Variants in PRKCG observed in about 807,000 individuals in gnomAD.
PRKCG encodes the protein protein kinase C gamma.
Under a neutral mutation model 82.0 loss-of-function variants are expected in PRKCG, and 28 were observed. The ratio of observed to expected loss-of-function variants is 0.34; its 90% confidence interval spans 0.25 to 0.47. The LOEUF (loss-of-function observed/expected upper bound fraction) is 0.47. PRKCG is among the 20% of genes least tolerant of loss of function. The pLI is 1.00. For synonymous variants in PRKCG, 383 were observed against 376.6 expected (o/e 1.02, Z -0.20); for missense variants, 640 against 952.7 (o/e 0.67, Z 4.32).
At chr19:53,898,971 T>C (rs1158706736) in intron 11 of PRKCG, among the ~76,000 whole-genome samples, 3 of 94,648 alleles carry the variant, frequency 3.2e-5, no homozygotes, top group Non-Finnish European at 6.3e-5. Context: ...GGATGAAATC[T>C]TTGGGGGGGT....
intron 11 of PRKCG, among the ~76,000 whole-genome samples, chr19:53,899,654 T>C (rs2123014411): frequency 6.6e-6 from 1 of 152,080 alleles, no homozygotes; most frequent in African/African-American, 2.4e-5. Context: ...TGGCGCGATC[T>C]CGGCTCACTG....
At chr19:53,905,445 C>G (rs1445884858) in intron 16 of PRKCG, among the ~76,000 whole-genome samples, 1 of 151,246 alleles carries the variant, frequency 6.6e-6, no homozygotes, top group African/African-American at 2.4e-5. Context: ...TTCTCTGGGT[C>G]TCTGTCCCCA....
At chr19:53,906,193 C>A in intron 16 of PRKCG, 124 bp from the exon 17 acceptor site, 1 of 1,296,098 alleles carries the variant, frequency 7.7e-7, no homozygotes, top group Non-Finnish European at 1.1e-6. Context: ...GTTCTTATCT[C>A]TCCGGATCTC....
At chr19:53,881,181 A>ACCAAGT, upstream of PRKCG, among the ~76,000 whole-genome samples, 1 of 152,104 alleles carries the variant, frequency 6.6e-6, no homozygotes, top group East Asian at 1.9e-4. Flanking sequence ...AGTACAGAGA[A>ACCAAGT]ACAGATGGAA....
chr19:53,889,904 A>G lies in PRKCG; in HGVS notation c.416A>G (p.His139Arg). 1 of 1,584,918 alleles carries G rather than the reference A, an allele frequency of 6.3e-7. No homozygotes were observed. Among genetic ancestry groups the G allele is most frequent in the Non-Finnish European group, 8.6e-7 (1 of 1,166,354 alleles). Residue 139 changes from histidine to arginine, a missense_variant, in exon 5 of 18, where the codon CAC becomes CGC. Transcript: ENST00000263431. This position sits in a 1 kb window ranked among gnomAD's most constrained non-coding sequence, Gnocchi z 4.4. ...CCTCCAGGCTGCGAGATGAACGTGC[A>G]CCGGCGCTGTGTGCGTAGCGTGCCC... ...MKCSCCEMNV[H>R]RRCVRSVPSL...
chr19:53,906,573 C>G (rs578228869), intron 17 of PRKCG, 116 bp downstream of exon 17: 1 of 1,561,114 alleles, frequency 6.4e-7, no homozygotes, highest in African/African-American at 1.4e-5. Context: ...CCGCCCCCAA[C>G]AAAAGGAGGT....
rs769205236 is a variant in PRKCG, at chr19:53,906,500, G to T, written c.1905+43G>T. ...CAACAAAAACCTGGTCCCTGAAGGG[G>T]TGGGGTTCCCCTGGGCCTCAATATA... is the stretch of plus-strand genomic sequence containing the variant. On this transcript the variant is annotated intron_variant, in intron 17 of 17. Coordinates refer to ENST00000263431, the MANE Select transcript of PRKCG (RefSeq NM_002739.5). The T allele has an allele frequency of 2.5e-6, 4 of 1,569,048 alleles. No individual in the cohort carries two copies. In the African/African-American group the frequency reaches 4.1e-5, roughly 16 times the overall value.
At chr19:53,896,216 C>G (rs1401342515) in intron 9 of PRKCG, among the ~76,000 whole-genome samples, 1 of 151,822 alleles carries the variant, frequency 6.6e-6, no homozygotes, top group East Asian at 1.9e-4. Context: ...GGGCAAAGGC[C>G]TAGAGGCAGG....
Position 53,884,104 on chromosome 19 carries a change from G to T in PRKCG, c.203-57G>T, listed in dbSNP as rs2068613913. ...TCTTTCCAATTTTCTGTCTGCTGGG[G>T]TCTCCCGCTGGACTAATCCATGCCT... is the stretch of plus-strand genomic sequence containing the variant. On this transcript the variant is annotated intron_variant, in intron 2 of 17. Transcript: ENST00000263431. The surrounding 1 kb of genome is among the most constrained non-coding windows in gnomAD (Gnocchi z 4.6). 10 of 1,549,142 alleles carry T rather than the reference G, an allele frequency of 6.5e-6. No individual in the cohort carries two copies. Among genetic ancestry groups the T allele is most frequent in the Non-Finnish European group, 1.8e-6 (2 of 1,122,266 alleles).
At chr19:53,897,405 C>T (rs936633272) in intron 9 of PRKCG, among the ~76,000 whole-genome samples, 1 of 152,120 alleles carries the variant, frequency 6.6e-6, no homozygotes, top group African/African-American at 2.4e-5. Context: ...GCCAGGTGTG[C>T]TCCCTGGACT....
chr19:53,901,414 T>C (rs764649350), intron 14 of PRKCG, among the ~76,000 whole-genome samples: 12 of 149,660 alleles, frequency 8.0e-5, no homozygotes, highest in Non-Finnish European at 1.2e-4. Flanking sequence ...CGTGGTGGCA[T>C]GCGCCTGTAA....
rs1196243806 is a variant in PRKCG at position 53,892,164 on chromosome 19, C to T, written c.686+334C>T. 1.3e-5 allele frequency among the ~76,000 whole-genome samples: 2 copies of T among 151,922 alleles called. No individual in the cohort carries two copies. Among genetic ancestry groups the T allele is most frequent in the African/African-American group, 4.8e-5 (2 of 41,354 alleles). On this transcript the variant is annotated intron_variant, in intron 6 of 17. Coordinates refer to ENST00000263431, the MANE Select transcript of PRKCG (RefSeq NM_002739.5). The surrounding 1 kb of genome is among the most constrained non-coding windows in gnomAD (Gnocchi z 5.9). ...AGGGAGGGGAGAAGATGGGGGATGG[C>T]AGGGAGACAGAGATCAGTTGACAGG...
At chr19:53,893,325 C>G in intron 8 of PRKCG, 37 bp from the exon 9 acceptor site, 1 of 1,603,234 alleles carries the variant, frequency 6.2e-7, no homozygotes, top group Non-Finnish European at 8.5e-7. Context: ...TCCCCTGCAT[C>G]TCTTGGGACC....
intron 16 of PRKCG, among the ~76,000 whole-genome samples, chr19:53,906,067 C>CT (rs1263947488): frequency 3.9e-5 from 3 of 77,382 alleles, no homozygotes; most frequent in African/African-American, 1.1e-4. Flanking sequence ...CCTCCTCCTC[C>CT]TCCTCCTCCT....
chr19:53,893,317 C>G, intron 8 of PRKCG, 45 bp from the exon 9 acceptor site: 1 of 1,588,880 alleles, frequency 6.3e-7, no homozygotes, highest in Non-Finnish European at 8.6e-7. Flanking sequence ...TAGGGCGATC[C>G]CCTGCATCTC....
rs1181464568 is a variant in PRKCG, at chr19:53,898,459, G to C, written c.1112G>C (p.Arg371Thr). Residue 371 changes from arginine (R) to threonine (T), a missense_variant, in exon 11 of 18, where the codon AGG becomes ACG. Arg to Thr is a moderately conservative substitution (Grantham distance 71, BLOSUM62 -1). Coordinates refer to ENST00000263431, the MANE Select transcript of PRKCG (RefSeq NM_002739.5). ...GCATAGGTGATGCTGGCCGAGCGCA[G>C]GGGCTCTGATGAGCTCTACGCCATC... ...SFGKVMLAER[R>T]GSDELYAIKI... The C allele has an allele frequency of 6.2e-7, 1 of 1,614,024 alleles. No homozygotes were observed. The highest frequency in any genetic ancestry group is 8.5e-7 in the Non-Finnish European group (1 of 1,180,026).
At position 53,889,430 on chromosome 19, in the gene PRKCG, T is replaced by A. The variant is rs2068654589; in HGVS notation, c.286-208T>A. 6.6e-6 allele frequency among the ~76,000 whole-genome samples: 1 copy of A among 152,044 alleles called. No homozygotes were observed. Among genetic ancestry groups the A allele is most frequent in the Non-Finnish European group, 1.5e-5 (1 of 68,016 alleles). On this transcript the variant is annotated intron_variant, in intron 3 of 17. Transcript: ENST00000263431. The surrounding 1 kb of genome is among the most constrained non-coding windows in gnomAD (Gnocchi z 4.4). Reference sequence around the variant, plus strand: ...AACTCCATGTGACAAAGAGGTTTTTTTTTTTCATTTGTTTAATGCTGGGTC... The same window carrying A: ...AACTCCATGTGACAAAGAGGTTTTTATTTTTCATTTGTTTAATGCTGGGTC...
At chr19:53,898,261 G>C in intron 10 of PRKCG, 150 bp downstream of exon 10, 1 of 1,385,558 alleles carries the variant, frequency 7.2e-7, no homozygotes, top group South Asian at 1.2e-5. Context: ...CTGGAGAGGA[G>C]AGGTTTACAG....
chr19:53,902,929 T>C, intron 14 of PRKCG, 144 bp from the exon 15 acceptor site: 2 of 230,366 alleles, frequency 8.7e-6, no homozygotes, highest in Non-Finnish European at 8.6e-6. Context: ...AAACAAAAAA[T>C]CACCTGATGA....
Sources: gnomAD v4.1 joint callset for allele counts (sites outside exome capture counted in the v4.1 genomes callset) on GRCh38, gnomAD v4.1.1 for gene constraint, Gnocchi (gnomAD v3.1) non-coding constraint, MANE v1.5 for transcripts, NCBI Gene and HGNC (gene_info 2026-07-23, HGNC 2026-07-21) for gene names.